DENND2A: variants seen among roughly 807,000 people sequenced by gnomAD.
The protein encoded by DENND2A is DENN domain-containing protein 2A.
A neutral mutation model predicts 105.3 loss-of-function variants in DENND2A; 53 were observed. The ratio of observed to expected loss-of-function variants is 0.50; its 90% CI spans 0.40 to 0.63. DENND2A has a LOEUF of 0.63. Ranked by LOEUF, DENND2A falls within the 30% of genes least tolerant of loss-of-function variation. The pLI is 0.00. For missense variants in DENND2A, 1,138 were observed against 1,279.6 expected (o/e 0.89, Z 1.69); for synonymous variants, 522 against 508.4 (o/e 1.03, Z -0.36).
At chr7:140,573,512 C>T (rs765536960) in intron 6 of DENND2A, among the ~76,000 whole-genome samples, 5 of 152,046 alleles carry the variant, frequency 3.3e-5, no homozygotes, top group African/African-American at 4.8e-5. Flanking sequence ...TTTTTTGTGG[C>T]GGTGAAGGAA....
chr7:140,555,664 C>G lies in DENND2A; in HGVS notation c.2009G>C (p.Arg670Pro). ...RLPEVYCIVS[R>P]LGCFSLFSRI... The stretch of plus-strand genomic sequence containing the variant: ...TGAAAAGAGGCTGAAGCATCCCAGG[C>G]GGCTCACAATGCAGTAAACTTCAGG... Residue 670 changes from arginine to proline, a missense_variant, in exon 12 of 20, where the codon CGC becomes CCC. By Grantham distance (103) the Arg-to-Pro change is moderately radical. Transcript: ENST00000496613. 1 of 1,609,302 alleles carries G rather than the reference C, an allele frequency of 6.2e-7. No individual in the cohort carries two copies. Among genetic ancestry groups the G allele is most frequent in the South Asian group, 1.1e-5 (1 of 90,314 alleles).
chr7:140,632,645 T>G (rs1284714999), intron 1 of DENND2A, among the ~76,000 whole-genome samples: 4 of 152,228 alleles, frequency 2.6e-5, no homozygotes. Context: ...CTCGGCTCAC[T>G]GCAACCTCTG....
intron 3 of DENND2A, among the ~76,000 whole-genome samples, chr7:140,589,108 T>C (rs1798908039): frequency 6.6e-6 from 1 of 152,094 alleles, no homozygotes; most frequent in African/African-American, 2.4e-5. Flanking sequence ...GCTCCAGGTA[T>C]ATTGGGAAAA....
At chr7:140,553,196 T>G (rs1346153970) in intron 12 of DENND2A, among the ~76,000 whole-genome samples, 4 of 152,192 alleles carry the variant, frequency 2.6e-5, no homozygotes, top group East Asian at 1.9e-4. Context: ...GGGGGATGTG[T>G]CAGGGTCACA....
At chr7:140,599,305 T>C (rs764944750) in intron 3 of DENND2A, among the ~76,000 whole-genome samples, 1 of 151,772 alleles carries the variant, frequency 6.6e-6, no homozygotes, top group Non-Finnish European at 1.5e-5. Flanking sequence ...GCCACCACAC[T>C]CCAGCCTGGG....
At position 140,546,697 on chromosome 7, in the gene DENND2A, A is replaced by G. The variant is rs920981980; in HGVS notation, c.2178+102T>C. 8.3e-6 allele frequency: 12 copies of G among 1,446,098 alleles called. No homozygotes were observed. In the African/African-American group the frequency reaches 1.3e-4, roughly 15 times the overall value. 89.6% of individuals were successfully genotyped at this position (1,446,098 alleles called of 1,614,324 possible). ...CTCTAGGGGTGGGGAGAAGACACCA[A>G]GGAATTGGACTGCTCACTGAAAGGC... On this transcript the variant is annotated intron_variant, in intron 13 of 19. Transcript: ENST00000496613.
Position 140,599,287 on chromosome 7 carries a change from G to T in DENND2A, c.995+2116C>A, listed in dbSNP as rs1799395032. ...CAGGAGGTGGAGGATGCAGTGAGCT[G>T]ATATTGTGCCACCACACTCCAGCCT... On this transcript the variant is annotated intron_variant, in intron 3 of 19. Transcript: ENST00000496613. 2.0e-5 allele frequency among the ~76,000 whole-genome samples: 3 copies of T among 151,642 alleles called. No individual in the cohort carries two copies. The South Asian group carries it at 6.2e-4, about 31-fold the overall frequency.
intron 1 of DENND2A, among the ~76,000 whole-genome samples, chr7:140,611,809 G>A (rs1451656729): frequency 6.6e-6 from 1 of 152,180 alleles, no homozygotes; most frequent in African/African-American, 2.4e-5. Flanking sequence ...CAGGGGTAGA[G>A]AAGGGAGAAA....
At chr7:140,591,787 CTTTT>C (rs1016959113) in intron 3 of DENND2A, among the ~76,000 whole-genome samples, 6 of 144,738 alleles carry the variant, frequency 4.1e-5, no homozygotes, top group Non-Finnish European at 9.0e-5. Context: ...TCCTTTCTTT[CTTTT>C]CTTTTCTTTC....
chr7:140,625,530 A>ACTAGCC (rs1800488417), intron 1 of DENND2A, among the ~76,000 whole-genome samples: 1 of 151,974 alleles, frequency 6.6e-6, no homozygotes, highest in Non-Finnish European at 1.5e-5. Flanking sequence ...AAATACAAAA[A>ACTAGCC]AATTAGCTGG....
chr7:140,527,623 A>G lies in DENND2A; in HGVS notation c.2328-128T>C. The G allele has an allele frequency of 9.9e-7, 1 of 1,009,264 alleles. No homozygotes were observed. Among genetic ancestry groups the G allele is most frequent in the South Asian group, 1.7e-5 (1 of 59,834 alleles). 62.5% of individuals were successfully genotyped at this position (1,009,264 alleles called of 1,614,324 possible). ...ACACACGTGGATGTGGATCCGGTGG[A>G]GCACATGATGGTCTCAGCACAGGCC... On this transcript the variant is annotated intron_variant, in intron 14 of 19. Coordinates refer to ENST00000496613, the MANE Select transcript of DENND2A (RefSeq NM_015689.5). This position sits in a 1 kb window ranked among gnomAD's most constrained non-coding sequence, Gnocchi z 4.9.
chr7:140,524,491 G>A (rs1795973898), intron 16 of DENND2A, among the ~76,000 whole-genome samples: 1 of 152,020 alleles, frequency 6.6e-6, no homozygotes, highest in African/African-American at 2.4e-5. Context: ...GTTTTAGTGG[G>A]TTTTCCTTTC....
chr7:140,608,468 G>A (rs1265525231), intron 1 of DENND2A, among the ~76,000 whole-genome samples: 2 of 152,128 alleles, frequency 1.3e-5, no homozygotes, highest in Admixed American at 1.3e-4. Context: ...CTTGAGCTCA[G>A]GGGATTGAAA....
At chr7:140,606,573 A>G (rs1799693503) in intron 1 of DENND2A, among the ~76,000 whole-genome samples, 1 of 152,160 alleles carries the variant, frequency 6.6e-6, no homozygotes, top group Admixed American at 6.5e-5. Flanking sequence ...CCCTTCTGCG[A>G]ACCCTGACAC....
At chr7:140,549,368 A>C (rs1426304727) in intron 12 of DENND2A, among the ~76,000 whole-genome samples, 1 of 151,760 alleles carries the variant, frequency 6.6e-6, no homozygotes, top group Non-Finnish European at 1.5e-5. Context: ...AGCAATTCTC[A>C]TGCCTCAGCC....
chr7:140,579,537 C>A (rs77780088), intron 5 of DENND2A, among the ~76,000 whole-genome samples: 2,370 of 151,794 alleles, frequency 0.016, 66 homozygotes, highest in African/African-American at 0.054. Context: ...GGATTACAGG[C>A]GCACACCACT....
chr7:140,590,698 C>T (rs936747594), intron 3 of DENND2A, among the ~76,000 whole-genome samples: 2 of 151,992 alleles, frequency 1.3e-5, no homozygotes, highest in Non-Finnish European at 2.9e-5. Context: ...GATCCCATCT[C>T]TACAAAAACT....
chr7:140,591,821 C>A (rs963267372), intron 3 of DENND2A, among the ~76,000 whole-genome samples: 1 of 143,124 alleles, frequency 7.0e-6, no homozygotes, highest in Non-Finnish European at 1.5e-5. Flanking sequence ...CCTTCTCTTT[C>A]TTTCCCTCCC....
In DENND2A at chr7:140,601,679, C is replaced by T. The variant is rs935792240; in HGVS notation, c.719G>A (p.Arg240Lys). 1 of 1,613,828 alleles carries T rather than the reference C, an allele frequency of 6.2e-7. No individual in the cohort carries two copies. The highest frequency in any genetic ancestry group is 2.2e-5 in the East Asian group (1 of 44,860). ...ELVEDRKGSC[R>K]RPWDRSLENV... ...CTCAAGGCTCCGGTCCCAGGGCCTT[C>T]TGCATGAACCTTTCCTGTCCTCCAC... The change falls in exon 3 of 20, where the codon AGA becomes AAA. Residue 240 changes from arginine (R) to lysine (K), a missense_variant. Arg to Lys is a conservative substitution (Grantham distance 26). This residue lies in a region of DENND2A where 511 missense variants were observed against 499.9 expected (regional missense o/e 1.02). Coordinates refer to ENST00000496613, the MANE Select transcript of DENND2A (RefSeq NM_015689.5).
Sources: gnomAD v4.1 joint callset for allele counts (sites outside exome capture counted in the v4.1 genomes callset) on GRCh38, gnomAD v4.1.1 for gene constraint, gnomAD v4.1.1 regional missense constraint, Gnocchi (gnomAD v3.1) non-coding constraint, MANE v1.5 for transcripts, NCBI Gene and HGNC (gene_info 2026-07-23, HGNC 2026-07-21) for gene names.